The following MAMDC2 variants were observed in gnomAD, a reference collection of about 807,000 sequenced individuals.
MAMDC2 encodes the protein MAM domain containing 2, also known as MAM domain-containing protein 2.
A neutral mutation model predicts 89.8 loss-of-function variants in MAMDC2; 57 were observed. The ratio of observed to expected loss-of-function variants is 0.63; its 90% CI spans 0.51 to 0.79. The LOEUF is 0.79. MAMDC2 is among the 30% of genes least tolerant of loss of function. MAMDC2 has a pLI of 0.00. For synonymous variants in MAMDC2, 313 were observed against 293.4 expected (o/e 1.07, Z -0.68); for missense variants, 800 against 820.6 (o/e 0.97, Z 0.31).
Position 70,043,966 on chromosome 9 carries a change from C to T in MAMDC2, c.-232C>T. The T allele has an allele frequency of 1.7e-6, 1 of 602,672 alleles. No individual in the cohort carries two copies. The highest frequency in any genetic ancestry group is 2.9e-6 in the Non-Finnish European group (1 of 339,812). The allele number at this position is 602,672 out of a possible 1,614,324, so 37.3% of individuals were successfully genotyped here. A position where few individuals can be genotyped will look rare whatever the true frequency, so the allele number is the denominator to read the frequency against. Reference sequence around the variant, plus strand: ...GCCGCGGTCTGACCTGAGGCTGCTGCTCAGCGCCGGGGCGCTGGCGCTCTC... The same window carrying T: ...GCCGCGGTCTGACCTGAGGCTGCTGTTCAGCGCCGGGGCGCTGGCGCTCTC... On this transcript the variant is annotated 5_prime_UTR_variant, in exon 1 of 14. Transcript: ENST00000377182.
chr9:70,087,607 C>CA (rs2118161406), intron 2 of MAMDC2: 1 of 152,254 alleles, frequency 6.6e-6, no homozygotes, highest in South Asian at 2.1e-4. Context: ...TCTGATTGGT[C>CA]AAGCCTGGGT....
chr9:70,217,244 A>T, intron 11 of MAMDC2: 1 of 884,852 alleles, frequency 1.1e-6, no homozygotes. Context: ...TACCCGGGAC[A>T]GGGGAGGCAC....
chr9:70,221,419 T>C (rs1463719807), intron 12 of MAMDC2, among the ~76,000 whole-genome samples: 1 of 73,682 alleles, frequency 1.4e-5, no homozygotes, highest in Non-Finnish European at 2.7e-5. Context: ...TAACATCAGA[T>C]AACAAGTGCT....
rs531962204 is a variant in MAMDC2 at position 70,048,344 on chromosome 9, G to A, written c.148+3647G>A. On this transcript the variant is annotated intron_variant, in intron 2 of 13. Transcript: ENST00000377182. Reference sequence around the variant, plus strand: ...GGCTGGAGTCCAATGGCGTGACCTCGGGTCACTGCAAACTTCGCCTCTCGG... The same window carrying A: ...GGCTGGAGTCCAATGGCGTGACCTCAGGTCACTGCAAACTTCGCCTCTCGG... Among the ~76,000 whole-genome samples, 104 of 152,180 alleles carry A rather than the reference G, an allele frequency of 6.8e-4. 1 individual carries two copies. In the Middle Eastern group the frequency reaches 0.01, roughly 15 times the overall value.
chr9:70,077,207 T>C (rs1827551206), intron 2 of MAMDC2, among the ~76,000 whole-genome samples: 1 of 152,188 alleles, frequency 6.6e-6, no homozygotes, highest in South Asian at 2.1e-4. Flanking sequence ...TTTGTAAGAC[T>C]GAAAAAGTAT....
chr9:70,131,072 A>T (rs2030785826), intron 6 of MAMDC2, among the ~76,000 whole-genome samples: 1 of 152,196 alleles, frequency 6.6e-6, no homozygotes, highest in Non-Finnish European at 1.5e-5. Context: ...GTCCTAGATC[A>T]AAGTATTGGC....
At chr9:70,094,052 T>C (rs979513682) in intron 2 of MAMDC2, 2 of 152,168 alleles carry the variant, frequency 1.3e-5, no homozygotes, top group Non-Finnish European at 2.9e-5. Flanking sequence ...TGACAAAGGG[T>C]GGAACAAACA....
chr9:70,144,679 T>G (rs1011764867), intron 9 of MAMDC2, among the ~76,000 whole-genome samples: 1 of 152,174 alleles, frequency 6.6e-6, no homozygotes, highest in African/African-American at 2.4e-5. Flanking sequence ...CATTGTTGAA[T>G]GAAGGAAGGA....
At position 70,044,092 on chromosome 9, in the gene MAMDC2, G is replaced by C; in HGVS notation, c.-106G>C. On this transcript the variant is annotated 5_prime_UTR_variant, in exon 1 of 14. Transcript: ENST00000377182. ...TTGCCTCTCGACTTCTCCCTCCTTG[G>C]GTCCCCGGCGCCCCCGCCTCCCACG... The C allele has an allele frequency of 7.3e-7, 1 of 1,374,784 alleles. No individual in the cohort carries two copies. Among genetic ancestry groups the C allele is most frequent in the Non-Finnish European group, 1.0e-6 (1 of 976,386 alleles). The allele number at this position is 1,374,784 out of a possible 1,614,324, so 85.2% of individuals were successfully genotyped here. A position where few individuals can be genotyped will look rare whatever the true frequency, so the allele number is the denominator to read the frequency against.
At chr9:70,154,447 G>A (rs2031678957) in intron 9 of MAMDC2, among the ~76,000 whole-genome samples, 1 of 151,942 alleles carries the variant, frequency 6.6e-6, no homozygotes, top group Non-Finnish European at 1.5e-5. Flanking sequence ...AGGAATTTTA[G>A]TGTGAATACT....
At chr9:70,122,552 C>A (rs1354827971) in intron 5 of MAMDC2, among the ~76,000 whole-genome samples, 2 of 152,086 alleles carry the variant, frequency 1.3e-5, no homozygotes, top group East Asian at 1.9e-4. Context: ...GAGAAAGGAG[C>A]CAGAGTAGCT....
intron 11 of MAMDC2, among the ~76,000 whole-genome samples, chr9:70,185,973 G>A (rs1052419932): frequency 6.6e-6 from 1 of 152,178 alleles, no homozygotes; most frequent in African/African-American, 2.4e-5. Context: ...GCTAGGAGCT[G>A]CAGACCAGAG....
At chr9:70,192,824 T>G (rs1255984344) in intron 11 of MAMDC2, among the ~76,000 whole-genome samples, 2 of 151,974 alleles carry the variant, frequency 1.3e-5, no homozygotes, top group Non-Finnish European at 2.9e-5. Flanking sequence ...TGCAGGCAAG[T>G]GGGAATTTAT....
intron 2 of MAMDC2, among the ~76,000 whole-genome samples, chr9:70,057,388 A>G (rs1476864706): frequency 6.6e-6 from 1 of 152,188 alleles, no homozygotes; most frequent in Admixed American, 6.5e-5. Flanking sequence ...AGGGTGACCT[A>G]TGTGTGTAAC....
chr9:70,096,102 C>T (rs867481643), intron 2 of MAMDC2, among the ~76,000 whole-genome samples: 1 of 152,012 alleles, frequency 6.6e-6, no homozygotes, highest in African/African-American at 2.4e-5. Context: ...CAGCTTTCTG[C>T]AGCCTCGACC....
intron 11 of MAMDC2, among the ~76,000 whole-genome samples, chr9:70,197,617 C>T (rs990649241): frequency 2.6e-5 from 4 of 151,980 alleles, no homozygotes; most frequent in East Asian, 1.9e-4. Context: ...TTAAAGTCAC[C>T]GGTATGATCA....
intron 11 of MAMDC2, among the ~76,000 whole-genome samples, chr9:70,199,692 C>G (rs1044382778): frequency 8.8e-6 from 1 of 113,058 alleles, no homozygotes; most frequent in East Asian, 2.6e-4. Context: ...TCCTATTTCT[C>G]CACATCCTCT....
chr9:70,108,079 G>T, intron 2 of MAMDC2, 132 bp from the exon 3 acceptor site: 1 of 849,496 alleles, frequency 1.2e-6, no homozygotes, highest in Non-Finnish European at 1.8e-6. Flanking sequence ...CCAGTGTTCA[G>T]GCAACTTTCA....
intron 2 of MAMDC2, among the ~76,000 whole-genome samples, chr9:70,047,597 T>TATCA (rs1255364617): frequency 6.6e-6 from 1 of 150,414 alleles, no homozygotes; most frequent in Non-Finnish European, 1.5e-5. Context: ...TTATCCAGTC[T>TATCA]ATCACTGATG....
Sources: allele counts gnomAD v4.1 joint callset (sites outside exome capture counted in the v4.1 genomes callset), GRCh38; gene constraint gnomAD v4.1.1; transcripts MANE v1.5; gene names NCBI Gene and HGNC (gene_info 2026-07-23, HGNC 2026-07-21).